PDK2: variants seen among roughly 807,000 people sequenced by gnomAD.
The protein encoded by PDK2 is pyruvate dehydrogenase kinase 2, also known as pyruvate dehydrogenase kinase, isozyme 2.
Under a neutral mutation model 50.4 loss-of-function variants are expected in PDK2, and 34 were observed. The ratio of observed to expected loss-of-function variants is 0.68; its 90% CI spans 0.51 to 0.90. The LOEUF is 0.90. PDK2 is among the 40% of genes least tolerant of loss of function. PDK2 has a pLI of 0.00. For synonymous variants in PDK2, 232 were observed against 216.0 expected (o/e 1.07, Z -0.65); for missense variants, 377 against 544.5 (o/e 0.69, Z 3.06).
intron 1 of PDK2, among the ~76,000 whole-genome samples, chr17:50,096,662 G>T (rs974283881): frequency 2.6e-5 from 4 of 152,162 alleles, no homozygotes; most frequent in Non-Finnish European, 4.4e-5. Context: ...CCTAATTACA[G>T]AAACATCACA....
Position 50,109,702 on chromosome 17 carries a change from G to A in PDK2, c.1084-255G>A, listed in dbSNP as rs1470590359. 1.3e-5 allele frequency among the ~76,000 whole-genome samples: 2 copies of A among 152,182 alleles called. No homozygotes were observed. Among genetic ancestry groups the A allele is most frequent in the Non-Finnish European group, 2.9e-5 (2 of 68,032 alleles). The stretch of plus-strand genomic sequence containing the variant: ...CTAGGTCTTGCCATTCAGTTCAGAG[G>A]AGAAGACTGAGGCCCGGAGTCCGTG... On this transcript the variant is annotated intron_variant, in intron 10 of 10. Transcript: ENST00000503176. This position sits in a 1 kb window ranked among gnomAD's most constrained non-coding sequence, Gnocchi z 5.0.
intron 1 of PDK2, chr17:50,096,195 T>G: frequency 5.1e-6 from 5 of 985,582 alleles, no homozygotes; most frequent in Non-Finnish European, 6.0e-6. Flanking sequence ...TGTTCCGGCC[T>G]GGCAGCCTCT....
At chr17:50,104,790 T>G (rs1910419695) in intron 2 of PDK2, among the ~76,000 whole-genome samples, 1 of 152,260 alleles carries the variant, frequency 6.6e-6, no homozygotes, top group East Asian at 1.9e-4. Flanking sequence ...CATTTTAGAA[T>G]CCACTTGCCG....
chr17:50,099,287 G>A (rs1023522207), intron 2 of PDK2, among the ~76,000 whole-genome samples: 17 of 152,272 alleles, frequency 1.1e-4, no homozygotes, highest in African/African-American at 1.7e-4. Context: ...CCTGGACACC[G>A]TGTTCCTGGG....
In PDK2 at chr17:50,105,931, G is replaced by A; in HGVS notation, c.379G>A (p.Val127Met). Residue 127 changes from valine (V) to methionine (M), a missense_variant, in exon 4 of 11, where the codon GTG becomes ATG. Physicochemically the swap from Val to Met is conservative, Grantham distance 21 (BLOSUM62 1). This residue lies in a region of PDK2 where 63 missense variants were observed against 135.1 expected (regional missense o/e 0.47). Transcript: ENST00000503176. ...VTIRNRHNDV[V>M]PTMAQGVLEY... is the part of the protein sequence containing the mutation. ...CATCCGGAACCGGCACAACGACGTG[G>A]TGCCCACCATGGCACAAGGCGTGCT... is the stretch of plus-strand genomic sequence containing the variant. The A allele has an allele frequency of 1.2e-6, 2 of 1,613,598 alleles. No individual in the cohort carries two copies. The highest frequency in any genetic ancestry group is 1.7e-6 in the Non-Finnish European group (2 of 1,179,802).
At chr17:50,104,479 G>C (rs935532816) in intron 2 of PDK2, 1 of 152,302 alleles carries the variant, frequency 6.6e-6, no homozygotes, top group Non-Finnish European at 1.5e-5. Flanking sequence ...TTGAACTCCT[G>C]ACCTCAGGTG....
chr17:50,095,906 G>A (rs1399264079), intron 1 of PDK2: 8 of 699,618 alleles, frequency 1.1e-5, no homozygotes, highest in Non-Finnish European at 1.4e-5. Flanking sequence ...ATGACTGGAG[G>A]AGTAGGGGCC....
At chr17:50,100,622 T>A (rs1460513109) in intron 2 of PDK2, 1 of 152,144 alleles carries the variant, frequency 6.6e-6, no homozygotes, top group Non-Finnish European at 1.5e-5. Flanking sequence ...ATCATGATAA[T>A]AACAAAAGCA....
chr17:50,097,351 C>G, intron 1 of PDK2, 72 bp from the exon 2 acceptor site: 1 of 1,522,196 alleles, frequency 6.6e-7, no homozygotes. Flanking sequence ...AAGGGTTTAG[C>G]TGACCTGGCC....
rs1173961451 is a variant in PDK2 at position 50,105,301 on chromosome 17, T to C, written c.261-70T>C. ...GGAGCAGGACAAGAGCAAGGCCCAG[T>C]TGAATGAAGTGGGTGAGGAGGGGCT... is the stretch of plus-strand genomic sequence containing the variant. On this transcript the variant is annotated intron_variant, in intron 2 of 10. Transcript: ENST00000503176. 3.5e-6 allele frequency: 4 copies of C among 1,156,074 alleles called. No homozygotes were observed. The African/African-American group carries it at 4.7e-5, about 14-fold the overall frequency. 71.6% of individuals were successfully genotyped at this position (1,156,074 alleles called of 1,614,324 possible).
rs562304004 is a variant in PDK2 at position 50,109,126 on chromosome 17, A to G, written c.970-161A>G. Reference sequence around the variant, plus strand: ...TGATTGCCCCATTCACCCCACACACACTTCTTACCTCAGTGTCCCCTCCCA... The same window carrying G: ...TGATTGCCCCATTCACCCCACACACGCTTCTTACCTCAGTGTCCCCTCCCA... On this transcript the variant is annotated intron_variant, in intron 9 of 10. Coordinates refer to ENST00000503176, the MANE Select transcript of PDK2 (RefSeq NM_002611.5). This position sits in a 1 kb window ranked among gnomAD's most constrained non-coding sequence, Gnocchi z 5.0. Among the ~76,000 whole-genome samples the G allele has an allele frequency of 6.6e-6, 1 of 150,838 alleles. No individual in the cohort carries two copies. Among genetic ancestry groups the G allele is most frequent in the Non-Finnish European group, 1.5e-5 (1 of 67,658 alleles).
intron 7 of PDK2, 23 bp from the exon 8 acceptor site, chr17:50,108,296 C>G (rs1467877572): frequency 6.2e-7 from 1 of 1,611,502 alleles, no homozygotes; most frequent in Non-Finnish European, 8.5e-7. Context: ...TCCCATGCAT[C>G]TCTTACCTCT....
At chr17:50,097,754 A>G (rs1458694397) in intron 2 of PDK2, 190 bp downstream of exon 2, 1 of 595,682 alleles carries the variant, frequency 1.7e-6, no homozygotes, top group Non-Finnish European at 2.9e-6. Flanking sequence ...ACTGAGGTCA[A>G]GCTCCTAGTC....
Position 50,105,997 on chromosome 17 carries a change from C to T in PDK2, c.445C>T (p.Gln149Ter). ...DTYGDDPVSN[Q>*]NIQYFLDRFY... ...CTACGGCGATGACCCCGTCTCCAACCAGAACATCCAGTACTTCCTGGACCG... is the reference window on the plus strand; with the variant it reads ...CTACGGCGATGACCCCGTCTCCAACTAGAACATCCAGTACTTCCTGGACCG... The change falls in exon 4 of 11, where the codon CAG becomes TAG. Residue 149 changes from glutamine (Q) to a stop codon, truncating the protein, a stop_gained. Transcript: ENST00000503176. LOFTEE classifies it high-confidence loss of function. 6.2e-7 allele frequency: 1 copy of T among 1,610,950 alleles called. No individual in the cohort carries two copies. The highest frequency in any genetic ancestry group is 1.1e-5 in the South Asian group (1 of 90,422).
rs1465093150 is a variant in PDK2 at position 50,109,576 on chromosome 17, A to T, written c.1083+176A>T. Among the ~76,000 whole-genome samples the T allele has an allele frequency of 6.6e-6, 1 of 152,074 alleles. No individual in the cohort carries two copies. The highest frequency in any genetic ancestry group is 2.4e-5 in the African/African-American group (1 of 41,408). The stretch of plus-strand genomic sequence containing the variant: ...CCTGAAGAACCCTCAACCCCCAGAC[A>T]CGCACTGCTTGTCAGGGAATTTAGG... On this transcript the variant is annotated intron_variant, in intron 10 of 10. Coordinates refer to ENST00000503176, the MANE Select transcript of PDK2 (RefSeq NM_002611.5). The surrounding 1 kb of genome is among the most constrained non-coding windows in gnomAD (Gnocchi z 5.0).
chr17:50,111,368 C>T lies in PDK2; in HGVS notation c.*1271C>T, dbSNP rs971470159. On this transcript the variant is annotated 3_prime_UTR_variant, in exon 11 of 11. Coordinates refer to ENST00000503176, the MANE Select transcript of PDK2 (RefSeq NM_002611.5). Reference sequence around the variant, plus strand: ...AATAAATTGAGAACTGCCTCCCCTTCACATGCAGGTGGGCACCCACTATAG... The same window carrying T: ...AATAAATTGAGAACTGCCTCCCCTTTACATGCAGGTGGGCACCCACTATAG... 2 of 152,290 alleles carry T rather than the reference C, an allele frequency of 1.3e-5. No homozygotes were observed. Among genetic ancestry groups the T allele is most frequent in the African/African-American group, 4.8e-5 (2 of 41,472 alleles). 9.4% of individuals were successfully genotyped at this position (152,290 alleles called of 1,614,324 possible). A position where few individuals can be genotyped will look rare whatever the true frequency, so the allele number is the denominator to read the frequency against.
chr17:50,095,991 T>C, intron 1 of PDK2: 1 of 528,040 alleles, frequency 1.9e-6, no homozygotes, highest in African/African-American at 2.1e-5. Context: ...CAGCCATCTG[T>C]AGAGAGACCT....
intron 9 of PDK2, 134 bp downstream of exon 9, chr17:50,108,853 G>A (rs1410881164): frequency 2.7e-5 from 17 of 634,628 alleles, no homozygotes; most frequent in South Asian, 2.0e-4. Context: ...CTGGGCCCCC[G>A]CACCTCCCAC....
intron 2 of PDK2, among the ~76,000 whole-genome samples, chr17:50,099,576 A>G (rs1022367162): frequency 2.0e-4 from 30 of 152,062 alleles, no homozygotes; most frequent in Non-Finnish European, 1.5e-5. Flanking sequence ...GGCGGATCAC[A>G]AGGTCAGGAG....
Sources: allele counts gnomAD v4.1 joint callset (sites outside exome capture counted in the v4.1 genomes callset), GRCh38; gene constraint gnomAD v4.1.1; regional missense constraint gnomAD v4.1.1; non-coding constraint Gnocchi (gnomAD v3.1); transcripts MANE v1.5; gene names NCBI Gene and HGNC (gene_info 2026-07-23, HGNC 2026-07-21).